The following IGF1R variants were observed in gnomAD, a reference collection of about 807,000 sequenced individuals.
IGF1R encodes the protein insulin-like growth factor 1 receptor.
In IGF1R, 44 loss-of-function variants were observed where a neutral mutation model predicts 144.6. The ratio of observed to expected loss-of-function variants is 0.30; its 90% CI spans 0.24 to 0.39. The LOEUF is 0.39. IGF1R is among the 10% of genes least tolerant of loss of function. IGF1R has a pLI of 1.00. For synonymous variants in IGF1R, 795 were observed against 722.8 expected (o/e 1.10, Z -1.60); for missense variants, 1,355 against 1,833.7 (o/e 0.74, Z 4.77).
At chr15:98,740,204 T>C (rs2141313587) in intron 2 of IGF1R, among the ~76,000 whole-genome samples, 1 of 152,368 alleles carries the variant, frequency 6.6e-6, no homozygotes, top group Non-Finnish European at 1.5e-5. Flanking sequence ...CATTCCTTCA[T>C]TTGTTTTGCT....
At chr15:98,754,298 A>G (rs1162786451) in intron 2 of IGF1R, among the ~76,000 whole-genome samples, 1 of 152,052 alleles carries the variant, frequency 6.6e-6, no homozygotes, top group East Asian at 1.9e-4. Flanking sequence ...GGGGAACCTG[A>G]GGATTTGGAA....
intron 1 of IGF1R, among the ~76,000 whole-genome samples, chr15:98,659,554 C>G (rs985847153): frequency 2.0e-5 from 3 of 152,174 alleles, no homozygotes; most frequent in Non-Finnish European, 4.4e-5. Context: ...GTAGAAATCA[C>G]TGGGCTACAG....
rs2015858587 is a variant in IGF1R at position 98,929,539 on chromosome 15, TTCC to T, written c.2783-13_2783-11del. The T allele has an allele frequency of 5.7e-6, 9 of 1,581,364 alleles. No individual in the cohort carries two copies. Among genetic ancestry groups the T allele is most frequent in the Non-Finnish European group, 5.2e-6 (6 of 1,150,274 alleles). The stretch of plus-strand genomic sequence containing the variant: ...TGTTCACCTGGTGATATTTTATCAT[TTCC>T]TCCTCTTTGCTGCAGCAGGATATGA... On this transcript the variant is annotated splice_polypyrimidine_tract_variant and intron_variant, in intron 13 of 20. Transcript: ENST00000650285.
In IGF1R at chr15:98,929,601, C is replaced by G. The variant is rs750677501; in HGVS notation, c.2826C>G (p.Val942=). 6.2e-7 allele frequency: 1 copy of G among 1,614,118 alleles called. No individual in the cohort carries two copies. The highest frequency in any genetic ancestry group is 8.5e-7 in the Non-Finnish European group (1 of 1,179,990). ...NFIHLIIALP[V]AVLLIVGGLV... The stretch of plus-strand genomic sequence containing the variant: ...TCCATCTGATCATCGCTCTGCCCGT[C>G]GCTGTCCTGTTGATCGTGGGAGGGT... Residue 942 remains valine (V), a synonymous_variant, in exon 14 of 21, where the codon GTC becomes GTG. Coordinates refer to ENST00000650285, the MANE Select transcript of IGF1R (RefSeq NM_000875.5).
intron 2 of IGF1R, among the ~76,000 whole-genome samples, chr15:98,847,084 C>G (rs1328676736): frequency 6.6e-6 from 1 of 152,124 alleles, no homozygotes; most frequent in Non-Finnish European, 1.5e-5. Context: ...TCAAGTGATT[C>G]TCATCCCTCA....
rs1185906656 is a variant in IGF1R at position 98,900,044 on chromosome 15, A to T, written c.1247+423A>T. On this transcript the variant is annotated intron_variant, in intron 5 of 20. Transcript: ENST00000650285. ...ACGCACAACTGCTCCATCTTTTAAGATATTGGAAGTGAGAGCACGGGAGGA... is the reference window on the plus strand; with the variant it reads ...ACGCACAACTGCTCCATCTTTTAAGTTATTGGAAGTGAGAGCACGGGAGGA... Among the ~76,000 whole-genome samples the T allele has an allele frequency of 2.0e-5, 3 of 152,144 alleles. 1 individual carries two copies. Among genetic ancestry groups the T allele is most frequent in the Admixed American group, 1.3e-4 (2 of 15,284 alleles).
chr15:98,753,207 A>G (rs2055061157), intron 2 of IGF1R, among the ~76,000 whole-genome samples: 1 of 149,822 alleles, frequency 6.7e-6, no homozygotes, highest in Non-Finnish European at 1.5e-5. Context: ...CTGGGATTAC[A>G]GGTGTGAGCC....
chr15:98,759,675 A>G (rs919660657), intron 2 of IGF1R, among the ~76,000 whole-genome samples: 1 of 152,332 alleles, frequency 6.6e-6, no homozygotes, highest in African/African-American at 2.4e-5. Flanking sequence ...CAAGTTTTGT[A>G]GGGACCTGGG....
At chr15:98,955,740 G>T (rs1007876949) in intron 20 of IGF1R, among the ~76,000 whole-genome samples, 3 of 152,204 alleles carry the variant, frequency 2.0e-5, no homozygotes, top group Non-Finnish European at 2.9e-5. Flanking sequence ...TTACATCAGG[G>T]GCCTCCCCTT....
intron 2 of IGF1R, among the ~76,000 whole-genome samples, chr15:98,768,486 G>T (rs188810587): frequency 6.6e-6 from 1 of 151,078 alleles, no homozygotes; most frequent in Non-Finnish European, 1.5e-5. Context: ...GTGGTGGTGC[G>T]TGCCTATAAT....
intron 1 of IGF1R, among the ~76,000 whole-genome samples, chr15:98,652,358 A>G (rs2052389602): frequency 6.6e-6 from 1 of 152,206 alleles, no homozygotes; most frequent in Admixed American, 6.5e-5. Context: ...GTTGTCACAG[A>G]AATGTAGGTA....
In IGF1R at chr15:98,908,879, A is replaced by C; in HGVS notation, c.1442A>C (p.Asn481Thr). ...AGCAAAGGGGACATAAACACCAGGAACAACGGGGAGAGAGCCTCCTGTGAG... is the reference window on the plus strand; with the variant it reads ...AGCAAAGGGGACATAAACACCAGGACCAACGGGGAGAGAGCCTCCTGTGAG... ...RQSKGDINTR[N>T]NGERASCESD... The change falls in exon 6 of 21, where the codon AAC becomes ACC. Residue 481 changes from asparagine (N) to threonine (T), a missense_variant. By Grantham distance (65) the Asn-to-Thr change is moderately conservative. Around this residue, in one of 7 missense-constraint regions of IGF1R, gnomAD observed 880 missense variants for 1,202.7 expected, o/e 0.73. Coordinates refer to ENST00000650285, the MANE Select transcript of IGF1R (RefSeq NM_000875.5). The C allele has an allele frequency of 6.2e-7, 1 of 1,613,940 alleles. No individual in the cohort carries two copies. The highest frequency in any genetic ancestry group is 1.1e-5 in the South Asian group (1 of 91,050).
chr15:98,732,422 G>T (rs1156587754), intron 2 of IGF1R, among the ~76,000 whole-genome samples: 1 of 152,192 alleles, frequency 6.6e-6, no homozygotes, highest in African/African-American at 2.4e-5. Flanking sequence ...GACTGGACCT[G>T]ACTTTACAGG....
At chr15:98,888,434 A>AGG (rs1485692023) in intron 2 of IGF1R, among the ~76,000 whole-genome samples, 1 of 20,460 alleles carries the variant, frequency 4.9e-5, no homozygotes, top group Admixed American at 8.4e-4. Flanking sequence ...TGAGAGAGAG[A>AGG]GAGAGTGTGT....
intron 1 of IGF1R, among the ~76,000 whole-genome samples, chr15:98,672,526 C>T (rs955438912): frequency 2.0e-5 from 3 of 146,854 alleles, no homozygotes; most frequent in East Asian, 4.0e-4. Flanking sequence ...GACAAGATGG[C>T]GCCATTGCAC....
chr15:98,744,022 T>G (rs1208604259), intron 2 of IGF1R, among the ~76,000 whole-genome samples: 16 of 152,000 alleles, frequency 1.1e-4, no homozygotes. Context: ...TGAGTTTGAT[T>G]TTTGCAGATA....
At chr15:98,804,020 A>G (rs1028212947) in intron 2 of IGF1R, among the ~76,000 whole-genome samples, 1 of 152,100 alleles carries the variant, frequency 6.6e-6, no homozygotes, top group Non-Finnish European at 1.5e-5. Context: ...ACATCTTACC[A>G]CGGTTGCAAT....
At chr15:98,803,111 T>C (rs755996192) in intron 2 of IGF1R, among the ~76,000 whole-genome samples, 3 of 152,160 alleles carry the variant, frequency 2.0e-5, no homozygotes, top group Non-Finnish European at 2.9e-5. Flanking sequence ...TTCTGAGAAA[T>C]GCATTGTTAG....
chr15:98,667,114 T>C (rs1200310910), intron 1 of IGF1R, among the ~76,000 whole-genome samples: 1 of 152,110 alleles, frequency 6.6e-6, no homozygotes, highest in African/African-American at 2.4e-5. Flanking sequence ...GGGTCTGTTT[T>C]CTATATCAAG....
Sources: gnomAD v4.1 joint callset for allele counts (sites outside exome capture counted in the v4.1 genomes callset) on GRCh38, gnomAD v4.1.1 for gene constraint, gnomAD v4.1.1 regional missense constraint, MANE v1.5 for transcripts, NCBI Gene and HGNC (gene_info 2026-07-23, HGNC 2026-07-21) for gene names.